The following TPTE2 variants were observed in gnomAD, a reference collection of about 807,000 sequenced individuals.
The protein encoded by TPTE2 is phosphatidylinositol 3,4,5-trisphosphate 3-phosphatase TPTE2.
TPTE2 carries 53 observed loss-of-function variants against 78.6 expected under a neutral mutation model. The observed-to-expected ratio is 0.67, with a 90% CI of 0.54 to 0.85. The LOEUF is 0.85. TPTE2 is among the 40% of genes least tolerant of loss of function. The probability of loss-of-function intolerance (pLI) is 0.00; values close to 1 mark genes in which losing one functional copy is unlikely to be tolerated. For missense variants in TPTE2, 461 were observed against 623.0 expected, an observed-to-expected ratio of 0.74 and a Z score of 2.77; for synonymous variants, 175 against 206.2, an observed-to-expected ratio of 0.85 and a Z score of 1.30.
chr13:19,497,497 CCCCT>C (rs2137655592), intron 1 of TPTE2, among the ~76,000 whole-genome samples: 1 of 95,122 alleles, frequency 1.1e-5, no homozygotes, highest in African/African-American at 3.0e-5. Flanking sequence ...TGACCCCTGA[CCCCT>C]GAGCAGCCTA....
intron 5 of TPTE2, 66 bp from the exon 9 acceptor site, chr13:19,474,141 T>C: frequency 7.8e-7 from 1 of 1,286,052 alleles, no homozygotes. Context: ...AAAGGGGCAT[T>C]TGTCCCTATA....
At chr13:19,524,522 G>A (rs1870379947) in intron 1 of TPTE2, among the ~76,000 whole-genome samples, 1 of 152,166 alleles carries the variant, frequency 6.6e-6, no homozygotes, top group Admixed American at 6.5e-5. Flanking sequence ...AAATTTAACA[G>A]AGTTGAAGAG....
At chr13:19,435,755 G>GACACAAAC (rs1877031939) in intron 15 of TPTE2, among the ~76,000 whole-genome samples, 1 of 137,642 alleles carries the variant, frequency 7.3e-6, no homozygotes, top group East Asian at 2.1e-4. Context: ...ACACAGAAAA[G>GACACAAAC]ACACACACAC....
chr13:19,437,189 T>C lies in TPTE2; in HGVS notation c.1036-883A>G, dbSNP rs61250128. ...TCACTGATAAATCATGATCCACAGCTTGAAAAACACCATCCTAGAACACCC... is the reference window on the plus strand; with the variant it reads ...TCACTGATAAATCATGATCCACAGCCTGAAAAACACCATCCTAGAACACCC... On this transcript the variant is annotated intron_variant, in intron 14 of 19. Transcript: ENST00000400230. Among the ~76,000 whole-genome samples the C allele has an allele frequency of 1.0e-2, 1,520 of 152,268 alleles. 23 individuals carry two copies. Among genetic ancestry groups the C allele is most frequent in the African/African-American group, 0.034 (1,419 of 41,546 alleles).
At chr13:19,441,825 T>C (rs1877521498) in intron 13 of TPTE2, among the ~76,000 whole-genome samples, 1 of 152,210 alleles carries the variant, frequency 6.6e-6, no homozygotes, top group African/African-American at 2.4e-5. Context: ...GTCAGTGTAG[T>C]AAGTAAATCT....
At chr13:19,493,116 C>T (rs554355916) in intron 2 of TPTE2, among the ~76,000 whole-genome samples, 11 of 151,848 alleles carry the variant, frequency 7.2e-5, no homozygotes, top group Non-Finnish European at 5.9e-5. Context: ...TTATACAACT[C>T]CACCAAAGAA....
the TPTE2 span, among the ~76,000 whole-genome samples, chr13:19,542,652 G>A: frequency 6.6e-6 from 1 of 151,986 alleles, no homozygotes; most frequent in Non-Finnish European, 1.5e-5. Flanking sequence ...GGGTAATGGG[G>A]GTTCATCTTG....
At chr13:19,437,366 G>T (rs576556527) in intron 14 of TPTE2, among the ~76,000 whole-genome samples, 2 of 152,272 alleles carry the variant, frequency 1.3e-5, no homozygotes, top group Admixed American at 6.5e-5. Flanking sequence ...GCAAGAAAAT[G>T]GCAGAAAGAA....
chr13:19,455,182 A>G (rs918546430), intron 10 of TPTE2, among the ~76,000 whole-genome samples: 1 of 152,218 alleles, frequency 6.6e-6, no homozygotes, highest in Non-Finnish European at 1.5e-5. Context: ...CCTTCTCTTC[A>G]AGGTCTTTAG....
chr13:19,517,409 C>T (rs2497188), intron 1 of TPTE2, among the ~76,000 whole-genome samples: 3 of 151,818 alleles, frequency 2.0e-5, no homozygotes, highest in African/African-American at 7.3e-5. Flanking sequence ...CACTGGTTGT[C>T]CCCCAGTACC....
chr13:19,534,650 A>G (rs1006463277), intron 1 of TPTE2, among the ~76,000 whole-genome samples: 3 of 152,204 alleles, frequency 2.0e-5, no homozygotes, highest in Non-Finnish European at 4.4e-5. Context: ...ACAGTAAATC[A>G]GTCTGTTTTC....
intron 1 of TPTE2, among the ~76,000 whole-genome samples, chr13:19,494,526 A>G (rs538255614): frequency 2.2e-4 from 33 of 151,978 alleles, no homozygotes; most frequent in Non-Finnish European, 4.4e-4. Context: ...CTCCTGCCTC[A>G]CCCTCCTGAG....
At chr13:19,449,216 C>T (rs1878026536) in intron 13 of TPTE2, among the ~76,000 whole-genome samples, 1 of 152,186 alleles carries the variant, frequency 6.6e-6, no homozygotes, top group South Asian at 2.1e-4. Flanking sequence ...TCTTGTTGCT[C>T]AGGCTGGAGT....
At chr13:19,514,006 C>A (rs908661958) in intron 1 of TPTE2, among the ~76,000 whole-genome samples, 14 of 152,102 alleles carry the variant, frequency 9.2e-5, no homozygotes, top group Non-Finnish European at 1.9e-4. Flanking sequence ...GAGTTTGGGG[C>A]ACCAGCTCTG....
chr13:19,458,941 T>C (rs1878713988), intron 10 of TPTE2, among the ~76,000 whole-genome samples: 1 of 152,192 alleles, frequency 6.6e-6, no homozygotes, highest in Admixed American at 6.5e-5. Context: ...TACCCCATAA[T>C]GGGATTGCTG....
At chr13:19,561,520 G>A in the TPTE2 span, among the ~76,000 whole-genome samples, 1 of 152,140 alleles carries the variant, frequency 6.6e-6, no homozygotes, top group Non-Finnish European at 1.5e-5. Context: ...GGAAGTAAGT[G>A]GGGAGAGCCA....
intron 4 of TPTE2, among the ~76,000 whole-genome samples, chr13:19,479,633 A>G (rs936555941): frequency 5.3e-5 from 8 of 152,196 alleles, no homozygotes; most frequent in African/African-American, 1.9e-4. Context: ...AAGGCATTAC[A>G]TGTGACAAAA....
At chr13:19,473,416 C>T (rs963493332) in intron 6 of TPTE2, among the ~76,000 whole-genome samples, 1 of 152,000 alleles carries the variant, frequency 6.6e-6, no homozygotes, top group African/African-American at 2.4e-5. Flanking sequence ...GTCACTCAAA[C>T]CACAAGATGC....
chr13:19,430,986 G>A (rs1342806675), intron 16 of TPTE2, among the ~76,000 whole-genome samples: 1 of 152,024 alleles, frequency 6.6e-6, no homozygotes, highest in East Asian at 1.9e-4. Flanking sequence ...AATTAGCCAG[G>A]CGTGGTGGCA....
Sources: gnomAD v4.1 joint callset for allele counts (sites outside exome capture counted in the v4.1 genomes callset) on GRCh38, gnomAD v4.1.1 for gene constraint, MANE v1.5 for transcripts, NCBI Gene and HGNC (gene_info 2026-07-23, HGNC 2026-07-21) for gene names.